Variants in UMAD1 observed in about 807,000 individuals in gnomAD.
UMAD1 encodes UBAP1-MVB12-associated (UMA) domain containing 1, also known as UBAP1-MVB12-associated (UMA)-domain containing protein 1.
A neutral mutation model predicts 6.1 loss-of-function variants in UMAD1; 8 were observed. The observed-to-expected ratio is 1.30, with a 90% CI of 0.76 to 2.35. The LOEUF (loss-of-function observed/expected upper bound fraction) is 2.35, where lower values mean the gene tolerates loss of function less well. Ranked by LOEUF, UMAD1 falls within the 30% of genes most tolerant of loss-of-function variation. The probability of loss-of-function intolerance (pLI) is 0.00; values close to 1 mark genes in which losing one functional copy is unlikely to be tolerated. For synonymous variants in UMAD1, 56 were observed against 31.4 expected, an observed-to-expected ratio of 1.78 and a Z score of -2.61; for missense variants, 130 against 78.4, an observed-to-expected ratio of 1.66 and a Z score of -2.49.
intron 1 of UMAD1, among the ~76,000 whole-genome samples, chr7:7,647,669 G>GT (rs1563080988): frequency 6.6e-6 from 1 of 152,212 alleles, no homozygotes; most frequent in Non-Finnish European, 1.5e-5. Context: ...CTGCAGTGGC[G>GT]TGATTGTGGT....
At chr7:7,653,591 A>G (rs1050423628) in intron 1 of UMAD1, among the ~76,000 whole-genome samples, 5 of 152,222 alleles carry the variant, frequency 3.3e-5, no homozygotes, top group Admixed American at 3.3e-4. Context: ...AGGAGTTACA[A>G]CACATTTTTT....
At chr7:7,721,898 T>G (rs1233429831) in intron 2 of UMAD1, among the ~76,000 whole-genome samples, 2 of 152,142 alleles carry the variant, frequency 1.3e-5, no homozygotes, top group African/African-American at 4.8e-5. Flanking sequence ...ACCCTTAATC[T>G]GGATGGGCAC....
intron 2 of UMAD1, among the ~76,000 whole-genome samples, chr7:7,705,953 T>C (rs978795150): frequency 3.9e-5 from 6 of 152,274 alleles, no homozygotes; most frequent in African/African-American, 1.4e-4. Context: ...CTAAAACTGC[T>C]CTAAAAAATA....
intron 2 of UMAD1, among the ~76,000 whole-genome samples, chr7:7,795,122 C>G (rs1231462166): frequency 6.6e-6 from 1 of 152,210 alleles, no homozygotes; most frequent in Admixed American, 6.5e-5. Flanking sequence ...TGACTTATGT[C>G]TTTGCCTGTA....
intron 3 of UMAD1, among the ~76,000 whole-genome samples, chr7:7,860,889 A>G (rs1018765215): frequency 6.6e-6 from 1 of 152,232 alleles, no homozygotes; most frequent in African/African-American, 2.4e-5. Flanking sequence ...AAAATGTGGC[A>G]TATACATACA....
At chr7:7,751,280 G>A (rs1583797889) in intron 2 of UMAD1, among the ~76,000 whole-genome samples, 1 of 152,270 alleles carries the variant, frequency 6.6e-6, no homozygotes, top group East Asian at 1.9e-4. Flanking sequence ...AATGTGTGGG[G>A]CAAATAAAAC....
At chr7:7,777,605 A>ATATATAT (rs1554327171) in intron 2 of UMAD1, among the ~76,000 whole-genome samples, 15 of 141,664 alleles carry the variant, frequency 1.1e-4, no homozygotes, top group South Asian at 6.7e-4. Flanking sequence ...ATATATATGT[A>ATATATAT]ATTGCCAGTA....
At chr7:7,710,224 A>G (rs1465958500) in intron 2 of UMAD1, among the ~76,000 whole-genome samples, 2 of 152,150 alleles carry the variant, frequency 1.3e-5, no homozygotes, top group African/African-American at 4.8e-5. Flanking sequence ...GTTTTCCTAA[A>G]AACAGTGCTG....
intron 2 of UMAD1, among the ~76,000 whole-genome samples, chr7:7,678,181 C>T (rs1779795984): frequency 1.3e-5 from 2 of 151,942 alleles, no homozygotes; most frequent in East Asian, 1.9e-4. Context: ...TTCATACTGG[C>T]TGTACTAATT....
At chr7:7,773,414 G>A (rs1184702022) in intron 2 of UMAD1, among the ~76,000 whole-genome samples, 1 of 152,182 alleles carries the variant, frequency 6.6e-6, no homozygotes, top group Non-Finnish European at 1.5e-5. Flanking sequence ...GTAGCTAAAT[G>A]TGCAACATTA....
intron 2 of UMAD1, among the ~76,000 whole-genome samples, chr7:7,750,858 G>T (rs1196701831): frequency 6.6e-6 from 1 of 152,160 alleles, no homozygotes; most frequent in Non-Finnish European, 1.5e-5. Flanking sequence ...AGCAATAATT[G>T]TTCTAATCCT....
chr7:7,775,152 A>G (rs1335994508), intron 2 of UMAD1, among the ~76,000 whole-genome samples: 1 of 152,164 alleles, frequency 6.6e-6, no homozygotes, highest in African/African-American at 2.4e-5. Flanking sequence ...CTTTTGGTCC[A>G]TTTCAGTATG....
Position 7,675,656 on chromosome 7 carries a change from C to T in UMAD1, c.82+2203C>T, listed in dbSNP as rs145529727. Among the ~76,000 whole-genome samples, 14 of 152,322 alleles carry T rather than the reference C, an allele frequency of 9.2e-5. No individual in the cohort carries two copies. In the East Asian group the frequency reaches 2.7e-3, roughly 29 times the overall value. On this transcript the variant is annotated intron_variant, in intron 2 of 3. Transcript: ENST00000682710. ...TACTCTAATATGCTCTCAGTACCAG[C>T]TGCTCCATCTGAGGGAATTTTCCCA...
chr7:7,755,148 T>A (rs903100446), intron 2 of UMAD1, among the ~76,000 whole-genome samples: 1 of 152,192 alleles, frequency 6.6e-6, no homozygotes, highest in Admixed American at 6.5e-5. Context: ...GCTATTTTAA[T>A]ATGGGGATTA....
chr7:7,797,399 T>C (rs1369990562), intron 2 of UMAD1, among the ~76,000 whole-genome samples: 4 of 152,180 alleles, frequency 2.6e-5, no homozygotes, highest in African/African-American at 9.7e-5. Flanking sequence ...ACCACATGCA[T>C]GAACAATGAA....
intron 1 of UMAD1, among the ~76,000 whole-genome samples, chr7:7,665,215 C>G (rs981890177): frequency 6.6e-6 from 1 of 152,094 alleles, no homozygotes; most frequent in Admixed American, 6.5e-5. Context: ...AAAAGGGAAG[C>G]CTTGGAGTAA....
At chr7:7,784,799 T>G (rs1782428136) in intron 2 of UMAD1, among the ~76,000 whole-genome samples, 1 of 133,808 alleles carries the variant, frequency 7.5e-6, no homozygotes, top group Non-Finnish European at 1.5e-5. Context: ...TCTTGCTGTG[T>G]CGCCCAGGCT....
rs74918742 is a variant in UMAD1, at chr7:7,780,270, G to T, written c.83-21400G>T. Among the ~76,000 whole-genome samples, 302 of 152,196 alleles carry T rather than the reference G, an allele frequency of 2.0e-3. 1 individual carries two copies. The highest frequency in any genetic ancestry group is 7.0e-3 in the African/African-American group (289 of 41,514). On this transcript the variant is annotated intron_variant, in intron 2 of 3. Coordinates refer to ENST00000682710, the MANE Select transcript of UMAD1 (RefSeq NM_001302348.2). ...AAACAATTCCTATGAGAGACCATAGGGGTATTTCCCCATTTCCTGCTGGCT... is the reference window on the plus strand; with the variant it reads ...AAACAATTCCTATGAGAGACCATAGTGGTATTTCCCCATTTCCTGCTGGCT...
chr7:7,854,999 C>A (rs1447107979), intron 3 of UMAD1, among the ~76,000 whole-genome samples: 1 of 152,200 alleles, frequency 6.6e-6, no homozygotes, highest in Admixed American at 6.5e-5. Flanking sequence ...AGTCATTAAA[C>A]CTTAGAGTTC....
Sources: allele counts gnomAD v4.1 joint callset (sites outside exome capture counted in the v4.1 genomes callset), GRCh38; gene constraint gnomAD v4.1.1; transcripts MANE v1.5; gene names NCBI Gene and HGNC (gene_info 2026-07-23, HGNC 2026-07-21).